Variants in MRTFB observed in about 807,000 individuals in gnomAD.
MRTFB encodes myocardin-related transcription factor B.
A neutral mutation model predicts 104.2 loss-of-function variants in MRTFB; 29 were observed. The ratio of observed to expected loss-of-function variants is 0.28; its 90% CI spans 0.21 to 0.38. MRTFB has a LOEUF of 0.38. MRTFB is among the 10% of genes least tolerant of loss of function. The probability of loss-of-function intolerance (pLI) is 1.00; values close to 1 mark genes in which losing one functional copy is unlikely to be tolerated. For synonymous variants in MRTFB, 535 were observed against 519.5 expected (o/e 1.03, Z -0.41); for missense variants, 1,270 against 1,341.6 (o/e 0.95, Z 0.83).
At chr16:14,096,120 AGGCTGCAGTGCAGTGGCGCGATCTT>A (rs1567316958) in intron 2 of MRTFB, among the ~76,000 whole-genome samples, 3 of 151,880 alleles carry the variant, frequency 2.0e-5, no homozygotes, top group African/African-American at 7.3e-5. Context: ...TCTGTCTTCC[AGGCTGCAGTGCAGTGGCGCGATCTT>A]GGCCCACTGC....
At chr16:14,175,036 T>C (rs1215631268) in intron 3 of MRTFB, among the ~76,000 whole-genome samples, 1 of 152,206 alleles carries the variant, frequency 6.6e-6, no homozygotes, top group East Asian at 1.9e-4. Flanking sequence ...TAATTAGAAA[T>C]TAGGTAAATT....
At position 14,252,481 on chromosome 16, in the gene MRTFB, C is replaced by T. The variant is rs1035090799; in HGVS notation, c.2682C>T (p.Ser894=). The T allele has an allele frequency of 1.9e-6, 3 of 1,613,958 alleles. No homozygotes were observed. The highest frequency in any genetic ancestry group is 2.5e-6 in the Non-Finnish European group (3 of 1,180,000). Residue 894 remains serine, a synonymous_variant, in exon 15 of 17, where the codon AGC becomes AGT. Coordinates refer to ENST00000571589, the MANE Select transcript of MRTFB (RefSeq NM_001308142.2). ...AGGAGGCCATCAAGCAGACACGCAG[C>T]ACACAGGCCCCTCTGCCAGAGGTAA... ...RYEEAIKQTR[S]TQAPLPEISN...
chr16:14,056,665 T>C, the MRTFB span, among the ~76,000 whole-genome samples: 3 of 152,324 alleles, frequency 2.0e-5, no homozygotes, highest in African/African-American at 7.2e-5. Context: ...GTGTGCTCAC[T>C]GCTAGTGGAG....
the MRTFB span, among the ~76,000 whole-genome samples, chr16:14,008,548 G>A: frequency 6.6e-6 from 1 of 152,136 alleles, no homozygotes; most frequent in Non-Finnish European, 1.5e-5. Context: ...TGATCTATAT[G>A]TCTGTCCTTA....
chr16:14,064,239 A>AT, the MRTFB span, among the ~76,000 whole-genome samples: 1 of 152,020 alleles, frequency 6.6e-6, no homozygotes, highest in Non-Finnish European at 1.5e-5. Context: ...GAGGTTGAGC[A>AT]TTTTTTCGTA....
chr16:14,062,941 C>A, the MRTFB span, among the ~76,000 whole-genome samples: 1 of 152,212 alleles, frequency 6.6e-6, no homozygotes, highest in South Asian at 2.1e-4. Flanking sequence ...GCCACTGACA[C>A]TTCAACATTC....
intron 2 of MRTFB, among the ~76,000 whole-genome samples, chr16:14,127,121 G>A (rs2037151512): frequency 6.6e-6 from 1 of 152,160 alleles, no homozygotes. Context: ...CTGGGATGGT[G>A]CAGAATAATT....
At chr16:14,238,666 C>A (rs1048837167) in intron 9 of MRTFB, among the ~76,000 whole-genome samples, 2 of 152,120 alleles carry the variant, frequency 1.3e-5, no homozygotes, top group Non-Finnish European at 2.9e-5. Context: ...TTAAAATCAT[C>A]AAGAACAGTC....
At chr16:14,176,405 A>G (rs1255932687) in intron 3 of MRTFB, among the ~76,000 whole-genome samples, 3 of 152,224 alleles carry the variant, frequency 2.0e-5, no homozygotes, top group Non-Finnish European at 4.4e-5. Context: ...TGTTGAGAGA[A>G]AGTATAAAAG....
At chr16:14,038,959 C>A in the MRTFB span, among the ~76,000 whole-genome samples, 1 of 152,156 alleles carries the variant, frequency 6.6e-6, no homozygotes, top group Non-Finnish European at 1.5e-5. Flanking sequence ...CTTTATAAAA[C>A]CATCAGATCT....
chr16:14,195,807 T>A (rs1297945966), intron 3 of MRTFB, among the ~76,000 whole-genome samples: 1 of 152,172 alleles, frequency 6.6e-6, no homozygotes, highest in Non-Finnish European at 1.5e-5. Flanking sequence ...GAGTGTAGAA[T>A]TTTTTATTGC....
chr16:14,133,468 T>C (rs1431711152), intron 2 of MRTFB, among the ~76,000 whole-genome samples: 1 of 152,212 alleles, frequency 6.6e-6, no homozygotes, highest in Admixed American at 6.5e-5. Flanking sequence ...TAAATCAAAC[T>C]ACATTTTTTT....
chr16:14,226,067 G>A (rs1331810062), intron 8 of MRTFB, among the ~76,000 whole-genome samples: 3 of 152,102 alleles, frequency 2.0e-5, no homozygotes, highest in African/African-American at 7.2e-5. Context: ...GAGGAGAATG[G>A]AATCAAAACA....
chr16:14,004,194 G>A, the MRTFB span, among the ~76,000 whole-genome samples: 1 of 152,184 alleles, frequency 6.6e-6, no homozygotes, highest in African/African-American at 2.4e-5. Flanking sequence ...TCCAGTGGAT[G>A]GGAGAATGGC....
chr16:14,127,429 T>A (rs991120501), intron 2 of MRTFB, among the ~76,000 whole-genome samples: 1 of 151,542 alleles, frequency 6.6e-6, no homozygotes, highest in Non-Finnish European at 1.5e-5. Context: ...GATCACGAGG[T>A]CAGGAGATAG....
chr16:14,234,224 G>T lies in MRTFB; in HGVS notation c.772G>T (p.Ala258Ser), dbSNP rs750036094. Residue 258 changes from alanine (A) to serine (S), a missense_variant, in exon 9 of 17, where the codon GCT becomes TCT. By Grantham distance (99) the Ala-to-Ser change is moderately conservative. Coordinates refer to ENST00000571589, the MANE Select transcript of MRTFB (RefSeq NM_001308142.2). ...TADQPPPRPA[A>S]PVLPTNTVSS... ...AGATCAGCCTCCCCCACGGCCTGCAGCTCCTGTCCTCCCCACAAACACTGT... is the reference window on the plus strand; with the variant it reads ...AGATCAGCCTCCCCCACGGCCTGCATCTCCTGTCCTCCCCACAAACACTGT... 1.2e-6 allele frequency: 2 copies of T among 1,613,994 alleles called. No homozygotes were observed. The highest frequency in any genetic ancestry group is 2.7e-5 in the African/African-American group (2 of 74,900).
At chr16:14,241,028 T>C (rs935590044) in intron 10 of MRTFB, 25 of 500,248 alleles carry the variant, frequency 5.0e-5, no homozygotes, top group African/African-American at 4.5e-4. Flanking sequence ...AGAATCTGAT[T>C]AATTTTTAAG....
intron 3 of MRTFB, among the ~76,000 whole-genome samples, chr16:14,153,497 C>G (rs1051875187): frequency 6.6e-6 from 1 of 152,130 alleles, no homozygotes; most frequent in African/African-American, 2.4e-5. Flanking sequence ...TTGCTCAGCG[C>G]TTTCTGAACC....
intron 9 of MRTFB, among the ~76,000 whole-genome samples, 188 bp downstream of exon 9, chr16:14,234,471 T>A (rs2042409385): frequency 6.6e-6 from 1 of 152,190 alleles, no homozygotes; most frequent in East Asian, 1.9e-4. Context: ...GCTATAGTCA[T>A]AGAAAAATGG....
Sources: gnomAD v4.1 joint callset for allele counts (sites outside exome capture counted in the v4.1 genomes callset) on GRCh38, gnomAD v4.1.1 for gene constraint, MANE v1.5 for transcripts, NCBI Gene and HGNC (gene_info 2026-07-23, HGNC 2026-07-21) for gene names.